The following EFR3B variants were observed in gnomAD, a reference collection of about 807,000 sequenced individuals.
The protein encoded by EFR3B is EFR3 homolog B.
EFR3B carries 64 observed loss-of-function variants against 104.7 expected under a neutral mutation model. The ratio of observed to expected loss-of-function variants is 0.61; its 90% confidence interval spans 0.50 to 0.75. EFR3B has a LOEUF of 0.75. Ranked by LOEUF, EFR3B falls within the 30% of genes least tolerant of loss-of-function variation. The pLI is 0.00. For missense variants in EFR3B, 750 were observed against 1,078.5 expected (o/e 0.70, Z 4.27); for synonymous variants, 385 against 417.9 (o/e 0.92, Z 0.96).
chr2:25,104,371 C>A (rs1453024872), intron 4 of EFR3B, among the ~76,000 whole-genome samples: 2 of 152,118 alleles, frequency 1.3e-5, no homozygotes, highest in Non-Finnish European at 2.9e-5. Flanking sequence ...TCTCAAAAAA[C>A]AAACAAACAA....
At chr2:25,082,304 G>A (rs1422848837) in intron 1 of EFR3B, among the ~76,000 whole-genome samples, 1 of 152,218 alleles carries the variant, frequency 6.6e-6, no homozygotes, top group Non-Finnish European at 1.5e-5. Flanking sequence ...TAAGGGGGTT[G>A]GGGGAGTGAG....
At chr2:25,147,561 C>G (rs1162289474) in intron 19 of EFR3B, 1 of 152,212 alleles carries the variant, frequency 6.6e-6, no homozygotes, top group African/African-American at 2.4e-5. Context: ...CCCACGCAAC[C>G]ACGCCTGGAT....
chr2:25,089,976 C>G (rs1017944961), intron 1 of EFR3B, among the ~76,000 whole-genome samples: 4 of 151,502 alleles, frequency 2.6e-5, no homozygotes, highest in African/African-American at 9.7e-5. Flanking sequence ...AACTACTGCT[C>G]TTTCCTCCTC....
intron 1 of EFR3B, among the ~76,000 whole-genome samples, chr2:25,055,732 A>ATCCCT (rs1444739673): frequency 6.6e-6 from 1 of 152,200 alleles, no homozygotes; most frequent in Non-Finnish European, 1.5e-5. Context: ...AACGACTTAC[A>ATCCCT]ATGAAGGGAT....
chr2:25,081,602 G>C, intron 1 of EFR3B: 2 of 809,686 alleles, frequency 2.5e-6, no homozygotes, highest in Non-Finnish European at 4.4e-6. Flanking sequence ...CCTAGAGCCT[G>C]AGCAGTGGCC....
At chr2:25,063,115 T>C (rs184429856) in intron 1 of EFR3B, among the ~76,000 whole-genome samples, 5 of 151,410 alleles carry the variant, frequency 3.3e-5, no homozygotes, top group Non-Finnish European at 7.4e-5. Context: ...TTTTTTTGTA[T>C]TTTTAGTAGA....
Position 25,135,649 on chromosome 2 carries a change from G to T in EFR3B, c.1484+10G>T. The T allele has an allele frequency of 6.4e-7, 1 of 1,551,934 alleles. No individual in the cohort carries two copies. On this transcript the variant is annotated intron_variant, in intron 13 of 22. Transcript: ENST00000403714. ...AGTTCTCTACCATCAGGTGAACTTG[G>T]GGTGTCTCCTCCAGGCAATGCAAGA...
chr2:25,150,058 T>G (rs1388406352), intron 20 of EFR3B, among the ~76,000 whole-genome samples: 1 of 151,900 alleles, frequency 6.6e-6, no homozygotes, highest in South Asian at 2.1e-4. Context: ...TCCCAGCACT[T>G]TGGGAGGCTG....
intron 20 of EFR3B, 98 bp from the exon 21 acceptor site, chr2:25,151,816 G>A: frequency 7.4e-7 from 1 of 1,343,390 alleles, no homozygotes; most frequent in Non-Finnish European, 1.0e-6. Flanking sequence ...GAAGAGGGGA[G>A]AGCCCAAGCA....
At chr2:25,047,132 T>A (rs1241410475) in intron 1 of EFR3B, among the ~76,000 whole-genome samples, 1 of 152,192 alleles carries the variant, frequency 6.6e-6, no homozygotes, top group African/African-American at 2.4e-5. Flanking sequence ...TAATATTATA[T>A]TACAGAAAAA....
At position 25,046,506 on chromosome 2, in the gene EFR3B, C is replaced by CTTTTTTTTTTTTTTTT. The variant is rs531667109; in HGVS notation, c.7+4188_7+4203dup. Among the ~76,000 whole-genome samples the CTTTTTTTTTTTTTTTT allele has an allele frequency of 3.3e-4, 39 of 119,106 alleles. 2 individuals carry two copies. The East Asian group carries it at 3.4e-3, about 10-fold the overall frequency. The allele number at this position is 119,106 out of a possible 152,430, so 78.1% of individuals were successfully genotyped here. Reference sequence around the variant, plus strand: ...GCAGGCTCCCCCTGAAGTACAAAGTCTTTTTTTTTTTTTTTTGAGACGGAG... The same window carrying CTTTTTTTTTTTTTTTT: ...GCAGGCTCCCCCTGAAGTACAAAGTCTTTTTTTTTTTTTTTTTTTTTTTTTTTTTTTTGAGACGGAG... On this transcript the variant is annotated intron_variant, in intron 1 of 22. Transcript: ENST00000403714.
Position 25,154,200 on chromosome 2 carries a change from T to C in EFR3B, c.2349-35T>C. 1 of 1,543,020 alleles carries C rather than the reference T, an allele frequency of 6.5e-7. No individual in the cohort carries two copies. The highest frequency in any genetic ancestry group is 1.2e-5 in the South Asian group (1 of 83,734). ...AGGGTGGGATCCTAAAATTCTCTTT[T>C]CATGCCTTTCTCCCCATGTGTTCCT... On this transcript the variant is annotated intron_variant, in intron 22 of 22. Transcript: ENST00000403714. The surrounding 1 kb of genome is among the most constrained non-coding windows in gnomAD (Gnocchi z 4.1).
At chr2:25,125,451 C>T (rs919918892) in intron 5 of EFR3B, among the ~76,000 whole-genome samples, 2 of 152,204 alleles carry the variant, frequency 1.3e-5, no homozygotes, top group Admixed American at 1.3e-4. Flanking sequence ...CGTTCATTCC[C>T]AAGTCCGGAC....
chr2:25,080,796 C>T (rs1448352062), intron 1 of EFR3B: 2 of 1,098,672 alleles, frequency 1.8e-6, no homozygotes, highest in African/African-American at 1.5e-5. Flanking sequence ...TCTTTGCATC[C>T]ATCACAGCAC....
chr2:25,055,248 G>T (rs1365468498), intron 1 of EFR3B, among the ~76,000 whole-genome samples: 1 of 152,214 alleles, frequency 6.6e-6, no homozygotes, highest in Non-Finnish European at 1.5e-5. Flanking sequence ...GCAATTGCAC[G>T]TGTCTTATGC....
At chr2:25,133,191 C>A (rs1437343107) in intron 11 of EFR3B, among the ~76,000 whole-genome samples, 177 bp downstream of exon 11, 1 of 152,196 alleles carries the variant, frequency 6.6e-6, no homozygotes, top group African/African-American at 2.4e-5. Flanking sequence ...GGCTGCCCCA[C>A]CAATAACCAC....
Position 25,141,280 on chromosome 2 carries a change from C to T in EFR3B, c.1855-86C>T, listed in dbSNP as rs2149210274. ...GGAGGCTGTGGGAGGGAGGAAGCAC[C>T]GAGCCGGGCATGGGAGCTCTTTCGT... On this transcript the variant is annotated intron_variant, in intron 16 of 22. Transcript: ENST00000403714. 5.7e-6 allele frequency: 8 copies of T among 1,414,038 alleles called. No individual in the cohort carries two copies. In the South Asian group the frequency reaches 6.7e-5, roughly 12 times the overall value. 87.6% of individuals were successfully genotyped at this position (1,414,038 alleles called of 1,614,324 possible).
chr2:25,069,405 T>C (rs1668428667), intron 1 of EFR3B, among the ~76,000 whole-genome samples: 1 of 152,192 alleles, frequency 6.6e-6, no homozygotes, highest in Non-Finnish European at 1.5e-5. Context: ...CATACTAATG[T>C]AGGCTAGGCG....
At chr2:25,139,337 TC>T (rs1670600086) in intron 16 of EFR3B, 147 bp downstream of exon 16, 8 of 1,057,944 alleles carry the variant, frequency 7.6e-6, no homozygotes, top group African/African-American at 1.6e-5. Context: ...GAGAAGTTAC[TC>T]GTGGCATCTT....
Sources: gnomAD v4.1 joint callset for allele counts (sites outside exome capture counted in the v4.1 genomes callset) on GRCh38, gnomAD v4.1.1 for gene constraint, Gnocchi (gnomAD v3.1) non-coding constraint, MANE v1.5 for transcripts, NCBI Gene and HGNC (gene_info 2026-07-23, HGNC 2026-07-21) for gene names.